The following ADCY7 variants were observed in gnomAD, a reference collection of about 807,000 sequenced individuals.
ADCY7 encodes the protein adenylate cyclase type 7.
Under a neutral mutation model 120.6 loss-of-function variants are expected in ADCY7, and 72 were observed. That is an observed-to-expected ratio of 0.60 (90% CI 0.49 to 0.73). The LOEUF (loss-of-function observed/expected upper bound fraction) is 0.73. ADCY7 is among the 30% of genes least tolerant of loss of function. The probability of loss-of-function intolerance (pLI) is 0.00; values close to 1 mark genes in which losing one functional copy is unlikely to be tolerated. For synonymous variants in ADCY7, 661 were observed against 628.0 expected (o/e 1.05, Z -0.78); for missense variants, 1,227 against 1,486.0 (o/e 0.83, Z 2.87).
intron 1 of ADCY7, among the ~76,000 whole-genome samples, chr16:50,248,685 C>T (rs1329496521): frequency 6.6e-6 from 1 of 152,060 alleles, no homozygotes. Flanking sequence ...AACTTTATTC[C>T]CTTTGTGTTT....
At chr16:50,313,153 T>G in intron 22 of ADCY7, 117 bp downstream of exon 22, 1 of 1,402,326 alleles carries the variant, frequency 7.1e-7, no homozygotes, top group Non-Finnish European at 9.6e-7. Flanking sequence ...CTGGGCAAGG[T>G]GGTCTATAAT....
chr16:50,307,995 C>CAAAAA (rs34191947), intron 15 of ADCY7, among the ~76,000 whole-genome samples: 7 of 64,906 alleles, frequency 1.1e-4, no homozygotes, highest in East Asian at 5.7e-4. Context: ...GACTCCATCT[C>CAAAAA]AAAAAAAAAA....
At position 50,314,860 on chromosome 16, in the gene ADCY7, C is replaced by A. The variant is rs374141267; in HGVS notation, c.2972-154C>A. 7.9e-6 allele frequency: 8 copies of A among 1,014,238 alleles called. No individual in the cohort carries two copies. In the East Asian group the frequency reaches 1.5e-4, roughly 19 times the overall value. 62.8% of individuals were successfully genotyped at this position (1,014,238 alleles called of 1,614,324 possible). On this transcript the variant is annotated intron_variant, in intron 24 of 25. Coordinates refer to ENST00000673801, the MANE Select transcript of ADCY7 (RefSeq NM_001114.5). ...TGCCCTCCTCATACCCCAAGCCCGACTGCAACGCAGTGACTCTGGGAAGCA... is the reference window on the plus strand; with the variant it reads ...TGCCCTCCTCATACCCCAAGCCCGAATGCAACGCAGTGACTCTGGGAAGCA...
chr16:50,301,149 G>C lies in ADCY7; in HGVS notation c.1303G>C (p.Gly435Arg). ...GGCGTACGAGGTGGAGGATGGGCAC[G>C]GGCAGCAGCGGGACCCCTACCTCAA... The part of the protein sequence containing the change: ...DKAYEVEDGH[G>R]QQRDPYLKEM... The change falls in exon 10 of 26, where the codon GGG becomes CGG. Residue 435 changes from glycine (G) to arginine (R), a missense_variant. Around this residue, in one of 5 missense-constraint regions of ADCY7, gnomAD observed 332 missense variants for 455.8 expected, o/e 0.73. Coordinates refer to ENST00000673801, the MANE Select transcript of ADCY7 (RefSeq NM_001114.5). 6.2e-7 allele frequency: 1 copy of C among 1,613,528 alleles called. No homozygotes were observed. Among genetic ancestry groups the C allele is most frequent in the South Asian group, 1.1e-5 (1 of 91,004 alleles).
At position 50,315,658 on chromosome 16, in the gene ADCY7, C is replaced by T; in HGVS notation, c.*153C>T. The T allele has an allele frequency of 1.1e-6, 1 of 937,530 alleles. No homozygotes were observed. Among genetic ancestry groups the T allele is most frequent in the South Asian group, 1.8e-5 (1 of 55,834 alleles). The allele number at this position is 937,530 out of a possible 1,614,324, so 58.1% of individuals were successfully genotyped here. On this transcript the variant is annotated 3_prime_UTR_variant, in exon 26 of 26. Coordinates refer to ENST00000673801, the MANE Select transcript of ADCY7 (RefSeq NM_001114.5). Reference sequence around the variant, plus strand: ...GACCTGCACTGGAGGATTTCTCAGACACATGCACCAGATTCTGGCTCGAAG... The same window carrying T: ...GACCTGCACTGGAGGATTTCTCAGATACATGCACCAGATTCTGGCTCGAAG...
upstream of ADCY7, among the ~76,000 whole-genome samples, chr16:50,245,007 C>G (rs947906727): frequency 1.3e-5 from 2 of 152,204 alleles, no homozygotes; most frequent in African/African-American, 4.8e-5. Flanking sequence ...CTTCCAGCCT[C>G]GGCCATCTGA....
At chr16:50,303,697 T>G (rs1301271545) in intron 10 of ADCY7, among the ~76,000 whole-genome samples, 1 of 152,132 alleles carries the variant, frequency 6.6e-6, no homozygotes, top group Non-Finnish European at 1.5e-5. Context: ...GTGTCCAGCA[T>G]GAGGCTGGGT....
chr16:50,255,983 A>T (rs966193486), intron 1 of ADCY7, among the ~76,000 whole-genome samples: 18 of 152,010 alleles, frequency 1.2e-4, no homozygotes, highest in African/African-American at 4.4e-4. Flanking sequence ...CTACTAGAAG[A>T]AAATATAGGG....
chr16:50,310,919 G>C, intron 19 of ADCY7, 39 bp downstream of exon 19: 1 of 1,530,216 alleles, frequency 6.5e-7, no homozygotes, highest in Non-Finnish European at 8.8e-7. Context: ...CCCCATGGTG[G>C]CCTGTTCATC....
upstream of ADCY7, among the ~76,000 whole-genome samples, chr16:50,263,954 C>A (rs767193164): frequency 6.6e-6 from 1 of 152,192 alleles, no homozygotes; most frequent in African/African-American, 2.4e-5. Flanking sequence ...CATACGCAAA[C>A]GGGTATCCCT....
Position 50,290,485 on chromosome 16 carries a change from G to T in ADCY7, c.200G>T (p.Gly67Val). The T allele has an allele frequency of 6.2e-7, 1 of 1,614,224 alleles. No individual in the cohort carries two copies. The highest frequency in any genetic ancestry group is 8.5e-7 in the Non-Finnish European group (1 of 1,180,054). The part of the protein sequence containing the change: ...GDPSRHQAIL[G>V]MAFLVLAVFA... ...CCCTCCAGACACCAGGCCATTCTGG[G>T]CATGGCGTTCCTGGTGCTGGCGGTG... Residue 67 changes from glycine (G) to valine (V), a missense_variant, in exon 3 of 26, where the codon GGC becomes GTC. By Grantham distance (109) the Gly-to-Val change is moderately radical (BLOSUM62 -3). Coordinates refer to ENST00000673801, the MANE Select transcript of ADCY7 (RefSeq NM_001114.5).
rs1356776751 is a variant in ADCY7, at chr16:50,314,063, G to T, written c.2856+1G>T. On this transcript the variant is annotated splice_donor_variant, in intron 23 of 25. Transcript: ENST00000673801. LOFTEE classifies it high-confidence loss of function. Reference sequence around the variant, plus strand: ...CGTCGCCTCAGGGCACGAGAACCAGGTACTCAAGCCCAAGAGGTGAAATTC... The same window carrying T: ...CGTCGCCTCAGGGCACGAGAACCAGTTACTCAAGCCCAAGAGGTGAAATTC... 6.2e-7 allele frequency: 1 copy of T among 1,613,496 alleles called. No homozygotes were observed.
rs751927274 is a variant in ADCY7, at chr16:50,310,863, G to A, written c.2337G>A (p.Lys779=). The stretch of plus-strand genomic sequence containing the variant: ...GCCAAGGCCTGGGCAACCTCACCAA[G>A]CCCAACGGCACCACCAGGTGGGGTC... ...CCGQGLGNLT[K]PNGTTSGTPS... Residue 779 remains lysine (K), a synonymous_variant, in exon 19 of 26, where the codon AAG becomes AAA. Coordinates refer to ENST00000673801, the MANE Select transcript of ADCY7 (RefSeq NM_001114.5). 3.4e-5 allele frequency: 55 copies of A among 1,607,786 alleles called. No homozygotes were observed. The highest frequency in any genetic ancestry group is 4.4e-5 in the Non-Finnish European group (52 of 1,177,614).
rs867608997 is a variant in ADCY7, at chr16:50,312,065, A to G, written c.2478A>G (p.Leu826=). The G allele has an allele frequency of 2.5e-6, 4 of 1,614,228 alleles. No homozygotes were observed. The highest frequency in any genetic ancestry group is 1.7e-5 in the Admixed American group (1 of 60,022). Residue 826 remains leucine (L), a synonymous_variant, in exon 21 of 26, where the codon CTA becomes CTG. Transcript: ENST00000673801. The part of the protein sequence containing the change: ...QIDYYCRLDC[L]WKKKFKKEHE... ...ACTATTACTGCCGCTTGGACTGCCTATGGAAGAAGAAGTTCAAGAAGGAGC... is the reference window on the plus strand; with the variant it reads ...ACTATTACTGCCGCTTGGACTGCCTGTGGAAGAAGAAGTTCAAGAAGGAGC...
Position 50,257,314 on chromosome 16 carries a change from G to C in ADCY7, c.-64+11111G>C, listed in dbSNP as rs372089757. Among the ~76,000 whole-genome samples, 19 of 152,252 alleles carry C rather than the reference G, an allele frequency of 1.2e-4. No individual in the cohort carries two copies. The East Asian group carries it at 2.5e-3, about 20-fold the overall frequency. On this transcript the variant is annotated intron_variant, in intron 1 of 4. Transcript: ENST00000564044. ...TACCAGAGGCTGTGTGTAGGTAAGG[G>C]GGGCAGGGGTGGGATGGGGAGAGAT...
At chr16:50,290,040 C>T (rs2034839344) in intron 2 of ADCY7, among the ~76,000 whole-genome samples, 1 of 152,238 alleles carries the variant, frequency 6.6e-6, no homozygotes. Flanking sequence ...TTCCTGGTAT[C>T]CCTCACCAGC....
chr16:50,262,316 G>A (rs1018993251), upstream of ADCY7, among the ~76,000 whole-genome samples: 3 of 150,752 alleles, frequency 2.0e-5, no homozygotes, highest in Non-Finnish European at 3.0e-5. Flanking sequence ...GGAGTGCAGT[G>A]GTGTGATCTC....
In ADCY7 at chr16:50,315,584, C is replaced by T; in HGVS notation, c.*79C>T. On this transcript the variant is annotated 3_prime_UTR_variant, in exon 26 of 26. Coordinates refer to ENST00000673801, the MANE Select transcript of ADCY7 (RefSeq NM_001114.5). ...AAGCCCAGGAGAAGACTCTCCGCCCCACGCCAATCCCAAAGGCATGCAGAT... is the reference window on the plus strand; with the variant it reads ...AAGCCCAGGAGAAGACTCTCCGCCCTACGCCAATCCCAAAGGCATGCAGAT... The T allele has an allele frequency of 6.5e-7, 1 of 1,542,076 alleles. No individual in the cohort carries two copies. Among genetic ancestry groups the T allele is most frequent in the Non-Finnish European group, 8.8e-7 (1 of 1,132,268 alleles).
rs368044444 is a variant in ADCY7 at position 50,255,402 on chromosome 16, G to GGAAAAAAAAAAAAAAAAAAAAA, written c.-64+9199_-64+9200insGAAAAAAAAAAAAAAAAAAAAA. On this transcript the variant is annotated intron_variant, in intron 1 of 4. Transcript: ENST00000564044. ...CCTGGCCCATAAGACTCTGTTTCTGGAAAAAAAAAAAAAAAAAAAGACGTA... is the reference window on the plus strand; with the variant it reads ...CCTGGCCCATAAGACTCTGTTTCTGGGAAAAAAAAAAAAAAAAAAAAAAAAAAAAAAAAAAAAAAAAGACGTA... Among the ~76,000 whole-genome samples the GGAAAAAAAAAAAAAAAAAAAAA allele has an allele frequency of 1.1e-4, 12 of 108,140 alleles. 1 individual carries two copies. Among genetic ancestry groups the GGAAAAAAAAAAAAAAAAAAAAA allele is most frequent in the African/African-American group, 4.4e-4 (12 of 27,148 alleles). 70.9% of individuals were successfully genotyped at this position (108,140 alleles called of 152,430 possible). A position where few individuals can be genotyped will look rare whatever the true frequency, so the allele number is the denominator to read the frequency against.
Sources: allele counts gnomAD v4.1 joint callset (sites outside exome capture counted in the v4.1 genomes callset), GRCh38; gene constraint gnomAD v4.1.1; regional missense constraint gnomAD v4.1.1; transcripts MANE v1.5; gene names NCBI Gene and HGNC (gene_info 2026-07-23, HGNC 2026-07-21).